The following MORC1 variants were observed in gnomAD, a reference collection of about 807,000 sequenced individuals.
The protein encoded by MORC1 is MORC family CW-type zinc finger protein 1.
In MORC1, 59 loss-of-function variants were observed where a neutral mutation model predicts 134.9. The ratio of observed to expected loss-of-function variants is 0.44; its 90% confidence interval spans 0.35 to 0.54. The LOEUF (loss-of-function observed/expected upper bound fraction) is 0.54. MORC1 is among the 20% of genes least tolerant of loss of function. The pLI is 0.00. For missense variants in MORC1, 947 were observed against 1,134.5 expected (o/e 0.83, Z 2.37); for synonymous variants, 395 against 391.7 (o/e 1.01, Z -0.10).
chr3:108,979,379 G>A (rs1053182987), intron 24 of MORC1, 136 bp downstream of exon 24: 1 of 954,740 alleles, frequency 1.0e-6, no homozygotes, highest in African/African-American at 1.6e-5. Context: ...AATCAGCATA[G>A]TTAGGAGACA....
intron 17 of MORC1, among the ~76,000 whole-genome samples, chr3:109,012,326 T>C (rs1948706076): frequency 6.6e-6 from 1 of 152,210 alleles, no homozygotes; most frequent in South Asian, 2.1e-4. Flanking sequence ...TTTACACCAA[T>C]ACCACACTGA....
chr3:108,993,208 A>G (rs1227111930), intron 21 of MORC1, among the ~76,000 whole-genome samples: 2 of 152,300 alleles, frequency 1.3e-5, no homozygotes, highest in East Asian at 3.9e-4. Context: ...CAGCACAACA[A>G]TCAGATACTT....
intron 21 of MORC1, among the ~76,000 whole-genome samples, chr3:108,991,142 GA>G (rs1948049811): frequency 6.6e-6 from 1 of 152,220 alleles, no homozygotes; most frequent in South Asian, 2.1e-4. Flanking sequence ...CAAAGTCACT[GA>G]GTTTTGTTCT....
At chr3:109,012,927 C>CTT (rs1402071075) in intron 17 of MORC1, among the ~76,000 whole-genome samples, 1 of 152,164 alleles carries the variant, frequency 6.6e-6, no homozygotes, top group Non-Finnish European at 1.5e-5. Context: ...TCTAGAACCT[C>CTT]TTGTACAATG....
intron 11 of MORC1, 143 bp from the exon 12 acceptor site, chr3:109,060,013 T>C (rs1051894050): frequency 3.1e-6 from 2 of 648,948 alleles, no homozygotes; most frequent in Non-Finnish European, 5.1e-6. Flanking sequence ...AGATTCTCAA[T>C]ACTTGATAAA....
intron 21 of MORC1, among the ~76,000 whole-genome samples, chr3:108,994,505 C>A (rs547989391): frequency 6.6e-6 from 1 of 152,162 alleles, no homozygotes; most frequent in East Asian, 1.9e-4. Flanking sequence ...CTGGGTTTGC[C>A]TCTAACATTC....
intron 9 of MORC1, among the ~76,000 whole-genome samples, chr3:109,066,240 C>T (rs1176175924): frequency 1.3e-5 from 2 of 151,918 alleles, no homozygotes; most frequent in Non-Finnish European, 2.9e-5. Flanking sequence ...GTTTTTCCTC[C>T]CCCACTAGAA....
At chr3:108,978,620 G>A (rs73850683) in intron 24 of MORC1, among the ~76,000 whole-genome samples, 4,139 of 152,248 alleles carry the variant, frequency 0.027, 72 homozygotes, top group African/African-American at 0.056. Context: ...GGCCTTAGTA[G>A]AGGCTACAGT....
At chr3:108,978,360 A>G (rs1947621742) in intron 24 of MORC1, among the ~76,000 whole-genome samples, 1 of 152,128 alleles carries the variant, frequency 6.6e-6, no homozygotes, top group Admixed American at 6.5e-5. Flanking sequence ...CTGGATCCCT[A>G]GTGTCAGTAG....
chr3:109,000,541 G>A lies in MORC1; in HGVS notation c.2187+16C>T. On this transcript the variant is annotated intron_variant, in intron 21 of 27. Transcript: ENST00000232603. The stretch of plus-strand genomic sequence containing the variant: ...TGAAAATCTCAAGGTGTCATTTAGT[G>A]TATAGTTTATCTCACCAGGATTATA... The A allele has an allele frequency of 6.5e-7, 1 of 1,544,324 alleles. No homozygotes were observed. The highest frequency in any genetic ancestry group is 8.9e-7 in the Non-Finnish European group (1 of 1,129,730).
intron 17 of MORC1, among the ~76,000 whole-genome samples, chr3:109,019,962 T>C (rs941913034): frequency 2.0e-5 from 3 of 152,202 alleles, no homozygotes; most frequent in Non-Finnish European, 4.4e-5. Flanking sequence ...AAAAAAACCC[T>C]GCAGTGACCA....
At chr3:109,113,437 C>A (rs1951209487) in intron 2 of MORC1, among the ~76,000 whole-genome samples, 1 of 152,130 alleles carries the variant, frequency 6.6e-6, no homozygotes, top group African/African-American at 2.4e-5. Flanking sequence ...TGGTCACACT[C>A]TCAGAAGGGT....
intron 21 of MORC1, 30 bp from the exon 22 acceptor site, chr3:108,986,979 T>C (rs1462648516): frequency 2.0e-6 from 3 of 1,497,906 alleles, no homozygotes; most frequent in Non-Finnish European, 9.0e-7. Flanking sequence ...TTTAAAACTG[T>C]ACAAAAACAT....
At chr3:109,086,005 T>C (rs1025273708) in intron 8 of MORC1, among the ~76,000 whole-genome samples, 2 of 152,064 alleles carry the variant, frequency 1.3e-5, no homozygotes, top group Non-Finnish European at 2.9e-5. Context: ...ATGACTAATA[T>C]AACATGTTCT....
intron 6 of MORC1, among the ~76,000 whole-genome samples, chr3:109,099,029 ATTTATT>A (rs909154238): frequency 4.3e-4 from 65 of 152,252 alleles, no homozygotes; most frequent in Non-Finnish European, 8.5e-4. Context: ...CCAATATTTT[ATTTATT>A]TTTAAAATGA....
In MORC1 at chr3:109,047,836, T is replaced by C. The variant is rs903877019; in HGVS notation, c.1330+6892A>G. Reference sequence around the variant, plus strand: ...GTAGATGAAAGACAGTTTTTCCTTATAGAAGTATTAGAGCTGATGAAGAAA... The same window carrying C: ...GTAGATGAAAGACAGTTTTTCCTTACAGAAGTATTAGAGCTGATGAAGAAA... On this transcript the variant is annotated intron_variant, in intron 14 of 27. Coordinates refer to ENST00000232603, the MANE Select transcript of MORC1 (RefSeq NM_014429.4). Among the ~76,000 whole-genome samples, 3 of 152,308 alleles carry C rather than the reference T, an allele frequency of 2.0e-5. No individual in the cohort carries two copies. In the South Asian group the frequency reaches 6.2e-4, roughly 32 times the overall value.
chr3:109,015,469 T>TTA lies in MORC1; in HGVS notation c.1705-8379_1705-8378insTA, dbSNP rs1948796060. 5.9e-5 allele frequency among the ~76,000 whole-genome samples: 9 copies of TTA among 152,334 alleles called. No individual in the cohort carries two copies. In the South Asian group the frequency reaches 1.9e-3, roughly 32 times the overall value. On this transcript the variant is annotated intron_variant, in intron 17 of 27. Coordinates refer to ENST00000232603, the MANE Select transcript of MORC1 (RefSeq NM_014429.4). ...CTCCCACCCATCTGAGTTCTGCTCA[T>TTA]CTTCTTTAATTCTATCACATGCTAC...
rs1178378143 is a variant in MORC1 at position 109,035,381 on chromosome 3, T to C, written c.1418A>G (p.Gln473Arg). 1 of 1,586,484 alleles carries C rather than the reference T, an allele frequency of 6.3e-7. No individual in the cohort carries two copies. The highest frequency in any genetic ancestry group is 1.4e-5 in the African/African-American group (1 of 73,646). ...TGGGATACCCATGGCTTGTCTTCTT[T>C]GATATTGAAAAGAATTTAAAGGTTT... ...VEKPLNSFQY[Q>R]RRQAMGIPFI... The change falls in exon 15 of 28, where the codon CAA (glutamine) becomes CGA (arginine). Residue 473 changes from glutamine (Q) to arginine (R), a missense_variant. Physicochemically the swap from Gln to Arg is conservative, Grantham distance 43. Transcript: ENST00000232603.
At chr3:109,113,974 G>A (rs1464498362) in intron 2 of MORC1, among the ~76,000 whole-genome samples, 4 of 152,116 alleles carry the variant, frequency 2.6e-5, no homozygotes, top group Non-Finnish European at 5.9e-5. Context: ...TATATAAAGT[G>A]CTTATGTATG....
Sources: gnomAD v4.1 joint callset for allele counts (sites outside exome capture counted in the v4.1 genomes callset) on GRCh38, gnomAD v4.1.1 for gene constraint, MANE v1.5 for transcripts, NCBI Gene and HGNC (gene_info 2026-07-23, HGNC 2026-07-21) for gene names.